The following PPP3CA variants were observed in gnomAD, a reference collection of about 807,000 sequenced individuals.
PPP3CA encodes CAM-PRP catalytic subunit.
Under a neutral mutation model 66.5 loss-of-function variants are expected in PPP3CA, and 14 were observed. That is an observed-to-expected ratio of 0.21 (90% confidence interval 0.14 to 0.33). The LOEUF is 0.33. PPP3CA is among the 10% of genes least tolerant of loss of function. The pLI, the probability that PPP3CA is intolerant of heterozygous loss-of-function variation, is 1.00. For missense variants in PPP3CA, 317 were observed against 639.5 expected, an observed-to-expected ratio of 0.50 and a Z score of 5.44; for synonymous variants, 232 against 226.2, an observed-to-expected ratio of 1.03 and a Z score of -0.23.
intron 6 of PPP3CA, among the ~76,000 whole-genome samples, chr4:101,093,023 A>C (rs970379557): frequency 6.6e-6 from 1 of 152,200 alleles, no homozygotes; most frequent in African/African-American, 2.4e-5. Context: ...ATCCTTGAGC[A>C]ATCGCCACAC....
intron 7 of PPP3CA, among the ~76,000 whole-genome samples, chr4:101,081,916 A>G (rs1729456547): frequency 6.6e-6 from 1 of 152,232 alleles, no homozygotes; most frequent in South Asian, 2.1e-4. Flanking sequence ...GAGGGTGACT[A>G]TGCCTACTTG....
chr4:101,293,992 C>T (rs1292238927), intron 1 of PPP3CA, among the ~76,000 whole-genome samples: 1 of 151,954 alleles, frequency 6.6e-6, no homozygotes, highest in Non-Finnish European at 1.5e-5. Context: ...GATAGGAAAA[C>T]CAATATTTTC....
intron 1 of PPP3CA, 53 bp downstream of exon 1, chr4:101,346,686 C>T: frequency 6.6e-7 from 1 of 1,524,964 alleles, no homozygotes; most frequent in Non-Finnish European, 9.0e-7. Context: ...AGGCAAGCTG[C>T]CCTGGCGCCT....
At chr4:101,098,578 G>T in intron 4 of PPP3CA, 66 bp from the exon 5 acceptor site, 9 of 1,468,148 alleles carry the variant, frequency 6.1e-6, no homozygotes, top group Non-Finnish European at 1.8e-6. Flanking sequence ...AAATAGTTTT[G>T]GTTTTTTGAG....
chr4:101,108,932 A>G (rs774102251), intron 3 of PPP3CA, 22 bp downstream of exon 3: 4 of 1,609,340 alleles, frequency 2.5e-6, no homozygotes, highest in South Asian at 1.1e-5. Context: ...TGAACAGCAA[A>G]GAAGACATGA....
chr4:101,330,389 G>C (rs1219448318), intron 1 of PPP3CA: 1 of 528,298 alleles, frequency 1.9e-6, no homozygotes, highest in South Asian at 1.4e-5. Flanking sequence ...GCTCATCCTT[G>C]AGAAGCAACT....
intron 2 of PPP3CA, among the ~76,000 whole-genome samples, chr4:101,172,554 T>G (rs1021759615): frequency 2.0e-5 from 3 of 152,146 alleles, no homozygotes; most frequent in African/African-American, 2.4e-5. Context: ...AATGTTTTCC[T>G]CACTTTCCTT....
At position 101,287,200 on chromosome 4, in the gene PPP3CA, T is replaced by C. The variant is rs184579587; in HGVS notation, c.58+59539A>G. Among the ~76,000 whole-genome samples the C allele has an allele frequency of 2.6e-3, 400 of 152,272 alleles. 1 individual carries two copies. Among genetic ancestry groups the C allele is most frequent in the Non-Finnish European group, 4.9e-3 (333 of 68,020 alleles). The stretch of plus-strand genomic sequence containing the variant: ...GTAACTGACAGACAAAAAAAAATAG[T>C]TACTAGCAGAAATACCTTAGCTAAT... On this transcript the variant is annotated intron_variant, in intron 1 of 13. Transcript: ENST00000394854.
intron 1 of PPP3CA, among the ~76,000 whole-genome samples, chr4:101,338,980 T>C (rs1239325014): frequency 2.0e-5 from 3 of 152,236 alleles, no homozygotes; most frequent in African/African-American, 7.2e-5. Flanking sequence ...TTACAAGATG[T>C]TTTAAAAACA....
rs946984236 is a variant in PPP3CA, at chr4:101,185,252, T to C, written c.259+10664A>G. ...GTGTTATACAATAAATACTATTTGA[T>C]GAGAATTTTGAAGAAAGAGGTGGAA... On this transcript the variant is annotated intron_variant, in intron 2 of 13. Transcript: ENST00000394854. Among the ~76,000 whole-genome samples the C allele has an allele frequency of 3.5e-4, 54 of 152,138 alleles. 1 individual carries two copies. Among genetic ancestry groups the C allele is most frequent in the Non-Finnish European group, 1.6e-4 (11 of 68,022 alleles).
intron 1 of PPP3CA, among the ~76,000 whole-genome samples, chr4:101,267,155 A>G (rs1727193175): frequency 6.6e-6 from 1 of 152,208 alleles, no homozygotes; most frequent in South Asian, 2.1e-4. Flanking sequence ...ACTCTAGATA[A>G]TGGAACTTAA....
intron 2 of PPP3CA, among the ~76,000 whole-genome samples, chr4:101,114,821 A>C (rs1462370347): frequency 6.6e-6 from 1 of 152,108 alleles, no homozygotes; most frequent in Non-Finnish European, 1.5e-5. Flanking sequence ...TGAAATAGGA[A>C]CAGAAAAATA....
chr4:101,104,716 A>T (rs1285035135), intron 3 of PPP3CA, among the ~76,000 whole-genome samples: 4 of 152,170 alleles, frequency 2.6e-5, no homozygotes, highest in Admixed American at 6.5e-5. Flanking sequence ...ATCCACAATA[A>T]AAAATCCTTA....
In PPP3CA at chr4:101,145,300, A is replaced by G. The variant is rs572193574; in HGVS notation, c.260-36222T>C. Among the ~76,000 whole-genome samples the G allele has an allele frequency of 9.8e-5, 15 of 152,308 alleles. No individual in the cohort carries two copies. In the South Asian group the frequency reaches 2.9e-3, roughly 29 times the overall value. On this transcript the variant is annotated intron_variant, in intron 2 of 13. Coordinates refer to ENST00000394854, the MANE Select transcript of PPP3CA (RefSeq NM_000944.5). ...TCCCATTGTTGGGTATATGCCAAAA[A>G]GAAAGGAAATCAGTATATACAAGAG... is the stretch of plus-strand genomic sequence containing the variant.
At chr4:101,055,667 GC>G (rs1728194970) in intron 10 of PPP3CA, among the ~76,000 whole-genome samples, 1 of 152,044 alleles carries the variant, frequency 6.6e-6, no homozygotes, top group African/African-American at 2.4e-5. Context: ...CTATCCAGAA[GC>G]CTGTGTGAGC....
At chr4:101,099,199 A>G (rs937373863) in intron 4 of PPP3CA, among the ~76,000 whole-genome samples, 7 of 152,188 alleles carry the variant, frequency 4.6e-5, no homozygotes, top group Admixed American at 3.3e-4. Flanking sequence ...AAAGAATGAC[A>G]TCATCTTCAG....
chr4:101,297,722 A>G (rs1230189674), intron 1 of PPP3CA, among the ~76,000 whole-genome samples: 1 of 152,176 alleles, frequency 6.6e-6, no homozygotes, highest in African/African-American at 2.4e-5. Context: ...AGGAATATTC[A>G]TCTGGATAAT....
chr4:101,142,218 C>T (rs370551191), intron 2 of PPP3CA, among the ~76,000 whole-genome samples: 1 of 152,100 alleles, frequency 6.6e-6, no homozygotes, highest in South Asian at 2.1e-4. Flanking sequence ...ATTATCTGTA[C>T]AGAAGTAAGC....
rs1035697498 is a variant in PPP3CA at position 101,083,035 on chromosome 4, A to C, written c.860+151T>G. The C allele has an allele frequency of 2.0e-5, 10 of 501,046 alleles. No individual in the cohort carries two copies. The South Asian group carries it at 3.9e-4, about 20-fold the overall frequency. The allele number at this position is 501,046 out of a possible 1,614,324, so 31.0% of individuals were successfully genotyped here. The stretch of plus-strand genomic sequence containing the variant: ...GCCATTCATTCCCTAGGACTCTGTC[A>C]TACCTGTGTCATCCATCAGAAGATA... On this transcript the variant is annotated intron_variant, in intron 7 of 13. Transcript: ENST00000394854.
Sources: gnomAD v4.1 joint callset for allele counts (sites outside exome capture counted in the v4.1 genomes callset) on GRCh38, gnomAD v4.1.1 for gene constraint, MANE v1.5 for transcripts, NCBI Gene and HGNC (gene_info 2026-07-23, HGNC 2026-07-21) for gene names.